TMEM108: variants seen among roughly 807,000 people sequenced by gnomAD.
The protein encoded by TMEM108 is cancer/testis antigen 124.
In TMEM108, 12 loss-of-function variants were observed where a neutral mutation model predicts 35.1. The observed-to-expected ratio is 0.34, with a 90% confidence interval of 0.22 to 0.55. TMEM108 has a LOEUF of 0.55. Ranked by LOEUF, TMEM108 falls within the 20% of genes least tolerant of loss-of-function variation. The pLI is 0.89. For synonymous variants in TMEM108, 287 were observed against 308.6 expected, an observed-to-expected ratio of 0.93 and a Z score of 0.73; for missense variants, 680 against 753.3, an observed-to-expected ratio of 0.90 and a Z score of 1.14.
chr3:133,057,189 C>T (rs1943475411), intron 2 of TMEM108, among the ~76,000 whole-genome samples: 1 of 152,074 alleles, frequency 6.6e-6, no homozygotes, highest in African/African-American at 2.4e-5. Flanking sequence ...AAACGTAATT[C>T]TCAACCTCTT....
At position 133,156,828 on chromosome 3, in the gene TMEM108, G is replaced by A. The variant is rs1944888492; in HGVS notation, c.-46-72438G>A. 2.0e-5 allele frequency among the ~76,000 whole-genome samples: 3 copies of A among 152,312 alleles called. No individual in the cohort carries two copies. The South Asian group carries it at 6.2e-4, about 32-fold the overall frequency. The stretch of plus-strand genomic sequence containing the variant: ...GGATATATGCCACTTCTAGGTGGAA[G>A]CTTTTAAGAGCCTGTGTGTGAATCA... On this transcript the variant is annotated intron_variant, in intron 2 of 5. Transcript: ENST00000321871.
At chr3:133,219,272 CT>C (rs1280528297) in intron 2 of TMEM108, among the ~76,000 whole-genome samples, 4 of 151,886 alleles carry the variant, frequency 2.6e-5, no homozygotes, top group Admixed American at 2.6e-4. Flanking sequence ...TTTTCTTAGT[CT>C]AGCTAAAAGT....
intron 3 of TMEM108, among the ~76,000 whole-genome samples, chr3:133,279,816 G>A (rs1946887215): frequency 6.6e-6 from 1 of 152,174 alleles, no homozygotes; most frequent in Non-Finnish European, 1.5e-5. Context: ...CTATGAGCTT[G>A]TCAGGGCCTA....
intron 3 of TMEM108, chr3:133,246,065 A>G (rs1017870836): frequency 2.6e-5 from 4 of 152,196 alleles, no homozygotes; most frequent in African/African-American, 9.6e-5. Context: ...TAGATTTCAT[A>G]AAACTTACGA....
intron 2 of TMEM108, among the ~76,000 whole-genome samples, chr3:133,063,708 C>T (rs1373699365): frequency 6.6e-6 from 1 of 152,080 alleles, no homozygotes; most frequent in African/African-American, 2.4e-5. Context: ...ATTCCCAAGG[C>T]TATTGATTTA....
chr3:133,149,427 A>G (rs992903611), intron 2 of TMEM108, among the ~76,000 whole-genome samples: 1 of 152,180 alleles, frequency 6.6e-6, no homozygotes, highest in Non-Finnish European at 1.5e-5. Flanking sequence ...ATAATTAACT[A>G]TAGTTACTAT....
At chr3:133,131,544 A>G (rs534769576) in intron 2 of TMEM108, among the ~76,000 whole-genome samples, 1 of 150,398 alleles carries the variant, frequency 6.6e-6, no homozygotes, top group Admixed American at 6.7e-5. Context: ...AACCATGCCC[A>G]TATAAGACAG....
At chr3:133,097,793 A>T (rs1487900520) in intron 2 of TMEM108, among the ~76,000 whole-genome samples, 1 of 152,214 alleles carries the variant, frequency 6.6e-6, no homozygotes, top group Non-Finnish European at 1.5e-5. Flanking sequence ...GTGGCCCATT[A>T]TAACCCATTA....
chr3:133,377,770 C>A (rs936352141), intron 3 of TMEM108, among the ~76,000 whole-genome samples: 2 of 152,188 alleles, frequency 1.3e-5, no homozygotes, highest in Non-Finnish European at 1.5e-5. Context: ...GGCTGCACCA[C>A]AAGAGGTGGG....
intron 3 of TMEM108, among the ~76,000 whole-genome samples, chr3:133,236,806 A>G (rs1268746506): frequency 6.6e-6 from 1 of 151,856 alleles, no homozygotes; most frequent in Non-Finnish European, 1.5e-5. Flanking sequence ...TTCTTCTTCC[A>G]TGCTTATTTT....
At chr3:133,188,033 C>G (rs1184644083) in intron 2 of TMEM108, among the ~76,000 whole-genome samples, 1 of 152,108 alleles carries the variant, frequency 6.6e-6, no homozygotes, top group East Asian at 1.9e-4. Flanking sequence ...AGAACCATAG[C>G]TAGTCTTTGC....
intron 3 of TMEM108, among the ~76,000 whole-genome samples, chr3:133,265,324 T>C (rs932942017): frequency 6.6e-6 from 1 of 152,210 alleles, no homozygotes; most frequent in African/African-American, 2.4e-5. Context: ...TTGAAATAGT[T>C]CATTTTAAAA....
At chr3:133,331,489 C>G (rs530390988) in intron 3 of TMEM108, among the ~76,000 whole-genome samples, 1 of 152,140 alleles carries the variant, frequency 6.6e-6, no homozygotes, top group Non-Finnish European at 1.5e-5. Flanking sequence ...GACTGTATTT[C>G]CTAAAACCAA....
At chr3:133,267,715 G>A (rs1185516843) in intron 3 of TMEM108, among the ~76,000 whole-genome samples, 1 of 152,204 alleles carries the variant, frequency 6.6e-6, no homozygotes, top group African/African-American at 2.4e-5. Context: ...AGGCTTGACT[G>A]GGGCTAGAGG....
chr3:133,263,664 C>T (rs1202596429), intron 3 of TMEM108, among the ~76,000 whole-genome samples: 3 of 152,160 alleles, frequency 2.0e-5, no homozygotes, highest in Non-Finnish European at 4.4e-5. Context: ...CCAAAATTAG[C>T]AATGGAAGAG....
intron 3 of TMEM108, among the ~76,000 whole-genome samples, chr3:133,251,221 A>G (rs1244363442): frequency 1.3e-5 from 2 of 152,224 alleles, no homozygotes; most frequent in Non-Finnish European, 2.9e-5. Context: ...TATATGTGCT[A>G]TATCCTGGGC....
chr3:133,086,042 G>A (rs1256562610), intron 2 of TMEM108, among the ~76,000 whole-genome samples: 2 of 152,084 alleles, frequency 1.3e-5, no homozygotes, highest in Non-Finnish European at 2.9e-5. Flanking sequence ...ATTAAAAAAA[G>A]AAAGCACCAT....
intron 3 of TMEM108, among the ~76,000 whole-genome samples, chr3:133,284,237 A>T (rs910202442): frequency 6.6e-6 from 1 of 152,208 alleles, no homozygotes; most frequent in Non-Finnish European, 1.5e-5. Context: ...TCTATTGCTC[A>T]GCTCTTGACA....
intron 2 of TMEM108, among the ~76,000 whole-genome samples, chr3:133,203,730 C>T (rs1945707487): frequency 6.6e-6 from 1 of 152,192 alleles, no homozygotes; most frequent in Admixed American, 6.5e-5. Flanking sequence ...CGTTGACCTT[C>T]ATCAGGGATA....
Sources: allele counts gnomAD v4.1 joint callset (sites outside exome capture counted in the v4.1 genomes callset), GRCh38; gene constraint gnomAD v4.1.1; transcripts MANE v1.5; gene names NCBI Gene and HGNC (gene_info 2026-07-23, HGNC 2026-07-21).